Variants in MAML3 observed in about 807,000 individuals in gnomAD.
MAML3 encodes the protein mastermind like transcriptional coactivator 3.
MAML3 carries 27 observed loss-of-function variants against 101.9 expected under a neutral mutation model. The ratio of observed to expected loss-of-function variants is 0.27; its 90% CI spans 0.20 to 0.37. MAML3 has a LOEUF of 0.37. Among genes scored for constraint, MAML3 ranks in the 10% least tolerant of loss-of-function variants. The pLI, the probability that MAML3 is intolerant of heterozygous loss-of-function variation, is 1.00. For synonymous variants in MAML3, 501 were observed against 555.9 expected (o/e 0.90, Z 1.39); for missense variants, 1,316 against 1,444.9 (o/e 0.91, Z 1.45).
chr4:139,788,275 G>A (rs1380451633), intron 2 of MAML3, among the ~76,000 whole-genome samples: 5 of 152,080 alleles, frequency 3.3e-5, no homozygotes, highest in African/African-American at 7.2e-5. Flanking sequence ...GGCAACAGGG[G>A]GCTTGTCAAA....
intron 2 of MAML3, among the ~76,000 whole-genome samples, chr4:139,762,670 C>T (rs1393203797): frequency 2.6e-5 from 4 of 152,176 alleles, no homozygotes; most frequent in African/African-American, 9.7e-5. Context: ...CAGGCCTCCT[C>T]GAGAAAGTAT....
In MAML3 at chr4:139,914,515, C is replaced by A. The variant is rs144415209; in HGVS notation, c.469-23548G>T. Among the ~76,000 whole-genome samples, 109 of 152,214 alleles carry A rather than the reference C, an allele frequency of 7.2e-4. 1 individual carries two copies. The highest frequency in any genetic ancestry group is 2.6e-3 in the African/African-American group (108 of 41,534). On this transcript the variant is annotated intron_variant, in intron 1 of 4. Transcript: ENST00000509479. ...TGGGGAGGAAAAAAAAAGAAAATGA[C>A]CACAGTAAATCCTGTAAAGGTGGCA...
At chr4:139,755,474 G>A (rs1729627349) in intron 2 of MAML3, among the ~76,000 whole-genome samples, 1 of 152,102 alleles carries the variant, frequency 6.6e-6, no homozygotes, top group Non-Finnish European at 1.5e-5. Flanking sequence ...CGGGTGTGGT[G>A]GTGGGCGCCT....
At chr4:139,739,051 G>A (rs1729063456) in intron 2 of MAML3, among the ~76,000 whole-genome samples, 1 of 152,176 alleles carries the variant, frequency 6.6e-6, no homozygotes, top group African/African-American at 2.4e-5. Flanking sequence ...AAGACTATGA[G>A]TCTTCCCAGT....
rs943332550 is a variant in MAML3, at chr4:139,724,144, C to T, written c.2416+1607G>A. On this transcript the variant is annotated intron_variant, in intron 4 of 4. Transcript: ENST00000509479. ...GATAACTCAATTCCTTTTGTCCTTC[C>T]CTGTGTCAAGGCCAAAGGATCTAAT... 2.0e-5 allele frequency among the ~76,000 whole-genome samples: 3 copies of T among 152,148 alleles called. No individual in the cohort carries two copies. In the East Asian group the frequency reaches 5.8e-4, roughly 29 times the overall value.
rs1340399964 is a variant in MAML3 at position 139,785,878 on chromosome 4, G to C, written c.2080-55211C>G. Among the ~76,000 whole-genome samples the C allele has an allele frequency of 6.6e-6, 1 of 152,074 alleles. No individual in the cohort carries two copies. Among genetic ancestry groups the C allele is most frequent in the African/African-American group, 2.4e-5 (1 of 41,390 alleles). On this transcript the variant is annotated intron_variant, in intron 2 of 4. Transcript: ENST00000509479. The surrounding 1 kb of genome is among the most constrained non-coding windows in gnomAD (Gnocchi z 4.3). Reference sequence around the variant, plus strand: ...TAATAGCGGCCTGCCACATGGTCTAGGGAAAGTAATTAAATCTTGAATTTT... The same window carrying C: ...TAATAGCGGCCTGCCACATGGTCTACGGAAAGTAATTAAATCTTGAATTTT...
chr4:139,981,153 G>A (rs1223932747), intron 1 of MAML3, among the ~76,000 whole-genome samples: 2 of 152,182 alleles, frequency 1.3e-5, no homozygotes, highest in Non-Finnish European at 2.9e-5. Context: ...GGCAAGGTTG[G>A]GTTCTTCTGA....
intron 1 of MAML3, among the ~76,000 whole-genome samples, chr4:139,899,652 C>G (rs1196365730): frequency 6.6e-6 from 1 of 152,064 alleles, no homozygotes; most frequent in Non-Finnish European, 1.5e-5. Flanking sequence ...GCAGGGCAGA[C>G]TAACAGGAAA....
chr4:140,099,229 T>TCA (rs57140878), intron 1 of MAML3, among the ~76,000 whole-genome samples: 59,182 of 146,944 alleles, frequency 0.4, 11,756 homozygotes, highest in Admixed American at 0.5. Context: ...TGGAAGTATA[T>TCA]CACACACACA....
intron 2 of MAML3, among the ~76,000 whole-genome samples, chr4:139,749,057 CA>C (rs1204990033): frequency 1.3e-5 from 2 of 152,166 alleles, no homozygotes; most frequent in East Asian, 3.9e-4. Context: ...AAAAACAATC[CA>C]AAAGCTCTAA....
At chr4:140,062,041 G>A (rs1727456047) in intron 1 of MAML3, among the ~76,000 whole-genome samples, 1 of 152,110 alleles carries the variant, frequency 6.6e-6, no homozygotes, top group African/African-American at 2.4e-5. Context: ...TGTCAAGTAG[G>A]AACAGATACC....
chr4:140,021,057 G>A (rs769080244), intron 1 of MAML3, among the ~76,000 whole-genome samples: 8 of 151,974 alleles, frequency 5.3e-5, no homozygotes, highest in Non-Finnish European at 8.8e-5. Context: ...AAGTACCCAA[G>A]GAGTTACAGA....
intron 1 of MAML3, among the ~76,000 whole-genome samples, chr4:140,042,431 G>C (rs1054252562): frequency 1.3e-5 from 2 of 152,024 alleles, no homozygotes; most frequent in Non-Finnish European, 2.9e-5. Flanking sequence ...TCAGGAGATC[G>C]AGACCATCCT....
At chr4:140,079,142 T>G (rs927550419) in intron 1 of MAML3, among the ~76,000 whole-genome samples, 5 of 152,140 alleles carry the variant, frequency 3.3e-5, no homozygotes, top group African/African-American at 1.2e-4. Context: ...TGACTCAGTT[T>G]CCAGAAAGGA....
rs574110849 is a variant in MAML3, at chr4:139,785,617, C to T, written c.2080-54950G>A. ...CAGCACGAACAATATGGCTCCCCAG[C>T]GCCTGGGGCACTGCATGGAGAGATC... is the stretch of plus-strand genomic sequence containing the variant. On this transcript the variant is annotated intron_variant, in intron 2 of 4. Transcript: ENST00000509479. This position sits in a 1 kb window ranked among gnomAD's most constrained non-coding sequence, Gnocchi z 4.3. Among the ~76,000 whole-genome samples the T allele has an allele frequency of 4.8e-4, 73 of 152,278 alleles. No individual in the cohort carries two copies. Among genetic ancestry groups the T allele is most frequent in the African/African-American group, 1.4e-3 (60 of 41,558 alleles).
At chr4:139,862,921 C>T (rs1206832969) in intron 2 of MAML3, among the ~76,000 whole-genome samples, 1 of 152,086 alleles carries the variant, frequency 6.6e-6, no homozygotes, top group Non-Finnish European at 1.5e-5. Context: ...TTTCACTTGC[C>T]TCTTCTACAA....
rs147909500 is a variant in MAML3, at chr4:140,003,965, C to T, written c.469-112998G>A. ...CAACCTTCCTCCCATTCCTGCTCTC[C>T]GCACAAGCAAGAGAATCACTTAGAA... On this transcript the variant is annotated intron_variant, in intron 1 of 4. Coordinates refer to ENST00000509479, the MANE Select transcript of MAML3 (RefSeq NM_018717.5). Among the ~76,000 whole-genome samples the T allele has an allele frequency of 2.8e-4, 43 of 152,322 alleles. No individual in the cohort carries two copies. The East Asian group carries it at 7.1e-3, about 25-fold the overall frequency.
chr4:140,108,319 C>T (rs1200726739), intron 1 of MAML3, among the ~76,000 whole-genome samples: 1 of 151,892 alleles, frequency 6.6e-6, no homozygotes, highest in East Asian at 1.9e-4. Context: ...CTTCGTGCTC[C>T]CCAGTACATG....
intron 1 of MAML3, among the ~76,000 whole-genome samples, chr4:139,901,628 A>G (rs945551068): frequency 2.0e-5 from 3 of 152,232 alleles, no homozygotes; most frequent in Non-Finnish European, 2.9e-5. Context: ...TTTCCTCCCC[A>G]TAAGGGAGGA....
Sources: gnomAD v4.1 joint callset for allele counts (sites outside exome capture counted in the v4.1 genomes callset) on GRCh38, gnomAD v4.1.1 for gene constraint, Gnocchi (gnomAD v3.1) non-coding constraint, MANE v1.5 for transcripts, NCBI Gene and HGNC (gene_info 2026-07-23, HGNC 2026-07-21) for gene names.